Variants in NFIA observed in about 807,000 individuals in gnomAD.
The protein encoded by NFIA is nuclear factor I A.
In NFIA, 8 loss-of-function variants were observed where a neutral mutation model predicts 62.8. The observed-to-expected ratio is 0.13, with a 90% CI of 0.07 to 0.23. The LOEUF is 0.23. NFIA is among the 10% of genes least tolerant of loss of function. NFIA has a pLI of 1.00. For synonymous variants in NFIA, 235 were observed against 238.1 expected (o/e 0.99, Z 0.12); for missense variants, 410 against 642.1 (o/e 0.64, Z 3.91).
chr1:61,189,848 C>T (rs1487990905), intron 2 of NFIA, among the ~76,000 whole-genome samples: 1 of 152,060 alleles, frequency 6.6e-6, no homozygotes, highest in Non-Finnish European at 1.5e-5. Context: ...CGTGTTGAAT[C>T]CTAGAAACTC....
intron 6 of NFIA, among the ~76,000 whole-genome samples, chr1:61,375,023 G>A (rs1213690787): frequency 6.6e-6 from 1 of 152,198 alleles, no homozygotes; most frequent in Non-Finnish European, 1.5e-5. Flanking sequence ...CACGCAGCCT[G>A]TGTTTATGCT....
intron 10 of NFIA, among the ~76,000 whole-genome samples, chr1:61,435,010 A>G (rs1172415956): frequency 2.0e-5 from 3 of 152,178 alleles, no homozygotes. Context: ...AAAGTTGATG[A>G]TAGCCATGCA....
rs1230472306 is a variant in NFIA at position 61,272,237 on chromosome 1, A to G, written c.560-5283A>G. Among the ~76,000 whole-genome samples the G allele has an allele frequency of 5.4e-4, 82 of 152,208 alleles. 1 individual carries two copies. Among genetic ancestry groups the G allele is most frequent in the Non-Finnish European group, 5.9e-5 (4 of 68,026 alleles). On this transcript the variant is annotated intron_variant, in intron 2 of 10. Transcript: ENST00000403491. ...TTTACCCTTAAGCTACAAATTGTATATACATGTGTACACCTGTACGCTGAC... is the reference window on the plus strand; with the variant it reads ...TTTACCCTTAAGCTACAAATTGTATGTACATGTGTACACCTGTACGCTGAC...
At chr1:61,189,233 C>T (rs921293628) in intron 2 of NFIA, among the ~76,000 whole-genome samples, 2 of 151,998 alleles carry the variant, frequency 1.3e-5, no homozygotes, top group Non-Finnish European at 2.9e-5. Flanking sequence ...GACAAGGAGC[C>T]CTGAAGATTA....
chr1:61,195,575 C>T (rs1407606818), intron 2 of NFIA, among the ~76,000 whole-genome samples: 3 of 152,054 alleles, frequency 2.0e-5, no homozygotes, highest in African/African-American at 7.2e-5. Context: ...TGTAATTTGG[C>T]TACCTCATCC....
At chr1:61,406,801 C>A in intron 9 of NFIA, 74 bp downstream of exon 9, 1 of 1,448,878 alleles carries the variant, frequency 6.9e-7, no homozygotes, top group Non-Finnish European at 9.2e-7. Context: ...AGGCTTTGTC[C>A]CTCACTGTAT....
chr1:61,441,297 GT>G (rs1346659736), intron 10 of NFIA, among the ~76,000 whole-genome samples: 11 of 88,208 alleles, frequency 1.2e-4, no homozygotes, highest in African/African-American at 4.1e-4. Context: ...GCAGGGGTGT[GT>G]GTGTGTGTGT....
intron 10 of NFIA, among the ~76,000 whole-genome samples, chr1:61,442,675 T>C (rs558832872): frequency 1.6e-4 from 25 of 151,524 alleles, no homozygotes; most frequent in Non-Finnish European, 2.8e-4. Flanking sequence ...GTTTGATAGA[T>C]ATTTATGAAA....
chr1:61,306,352 C>T (rs1187083743), intron 3 of NFIA, among the ~76,000 whole-genome samples: 7 of 135,064 alleles, frequency 5.2e-5, no homozygotes, highest in Non-Finnish European at 1.1e-4. Context: ...TCTCTGCTCA[C>T]GCAACCTCCC....
intron 9 of NFIA, among the ~76,000 whole-genome samples, chr1:61,421,310 G>T (rs1269681768): frequency 6.6e-6 from 1 of 152,196 alleles, no homozygotes; most frequent in African/African-American, 2.4e-5. Context: ...GCTCAGTACA[G>T]AGCCTGGCAC....
At chr1:61,432,639 A>ATACACACATATATT (rs1667152617) in intron 10 of NFIA, among the ~76,000 whole-genome samples, 2 of 151,588 alleles carry the variant, frequency 1.3e-5, no homozygotes, top group African/African-American at 4.9e-5. Flanking sequence ...ACACATATAT[A>ATACACACATATATT]TACACATATA....
intron 3 of NFIA, among the ~76,000 whole-genome samples, chr1:61,327,966 A>G (rs1661046758): frequency 1.3e-5 from 2 of 152,126 alleles, no homozygotes; most frequent in South Asian, 4.1e-4. Context: ...TGTAGAAGTA[A>G]GGTGGCATCT....
In NFIA at chr1:61,156,581, TG is replaced by T. The variant is rs150816130; in HGVS notation, c.559+67902del. 6.9e-3 allele frequency among the ~76,000 whole-genome samples: 1,047 copies of T among 152,340 alleles called. 15 individuals carry two copies. The highest frequency in any genetic ancestry group is 0.023 in the African/African-American group (959 of 41,572). On this transcript the variant is annotated intron_variant, in intron 2 of 10. Transcript: ENST00000403491. The stretch of plus-strand genomic sequence containing the variant: ...TCTCTAAACTGTTAGGCTGAAAAAT[TG>T]TCCAGTGTTGGCAGTTATCCCATCA...
chr1:61,169,472 C>G (rs974382631), intron 2 of NFIA, among the ~76,000 whole-genome samples: 1 of 152,188 alleles, frequency 6.6e-6, no homozygotes, highest in Admixed American at 6.5e-5. Flanking sequence ...GCTATCAGCT[C>G]TTCCTGAAGA....
At chr1:61,184,145 C>G (rs200274785) in intron 2 of NFIA, among the ~76,000 whole-genome samples, 2 of 142,746 alleles carry the variant, frequency 1.4e-5, no homozygotes, top group African/African-American at 5.4e-5. Context: ...AAAAAAAACC[C>G]AAAAAAACAA....
At chr1:61,233,397 G>A (rs1471898217) in intron 2 of NFIA, among the ~76,000 whole-genome samples, 4 of 152,204 alleles carry the variant, frequency 2.6e-5, no homozygotes, top group Non-Finnish European at 5.9e-5. Flanking sequence ...GTTCATAGGT[G>A]ACGGGAGAAA....
chr1:61,154,101 A>C (rs888216924), intron 2 of NFIA, among the ~76,000 whole-genome samples: 1 of 152,238 alleles, frequency 6.6e-6, no homozygotes, highest in African/African-American at 2.4e-5. Flanking sequence ...ACTGTTGGTG[A>C]ATATTGTAAA....
chr1:61,256,208 AT>A (rs1388125508), intron 2 of NFIA, among the ~76,000 whole-genome samples: 1 of 152,012 alleles, frequency 6.6e-6, no homozygotes, highest in Non-Finnish European at 1.5e-5. Flanking sequence ...CGGGTGGATC[AT>A]TTGAGGTGAG....
intron 2 of NFIA, among the ~76,000 whole-genome samples, chr1:61,153,816 T>C (rs1306727464): frequency 3.9e-5 from 6 of 152,238 alleles, no homozygotes; most frequent in African/African-American, 1.4e-4. Context: ...TTTATCCACA[T>C]GCAGTTCATG....
Sources: allele counts gnomAD v4.1 joint callset (sites outside exome capture counted in the v4.1 genomes callset), GRCh38; gene constraint gnomAD v4.1.1; transcripts MANE v1.5; gene names NCBI Gene and HGNC (gene_info 2026-07-23, HGNC 2026-07-21).